LARP4B: variants seen among roughly 807,000 people sequenced by gnomAD.
LARP4B encodes the protein la-related protein 4B.
Under a neutral mutation model 89.8 loss-of-function variants are expected in LARP4B, and 12 were observed. That is an observed-to-expected ratio of 0.13 (90% CI 0.09 to 0.22). LARP4B has a LOEUF of 0.22. Ranked by LOEUF, LARP4B falls within the 10% of genes least tolerant of loss-of-function variation. The pLI, the probability that LARP4B is intolerant of heterozygous loss-of-function variation, is 1.00. For missense variants in LARP4B, 757 were observed against 947.7 expected (o/e 0.80, Z 2.64); for synonymous variants, 367 against 363.3 (o/e 1.01, Z -0.12).
At chr10:906,146 T>G (rs1435526824) in intron 1 of LARP4B, among the ~76,000 whole-genome samples, 1 of 152,236 alleles carries the variant, frequency 6.6e-6, no homozygotes. Context: ...ATATCCATAA[T>G]GCATCAACAA....
At chr10:984,893 T>A in the LARP4B span, among the ~76,000 whole-genome samples, 1 of 152,102 alleles carries the variant, frequency 6.6e-6, no homozygotes, top group Non-Finnish European at 1.5e-5. Context: ...GATCACACCA[T>A]TGCACTCCAG....
At chr10:857,702 C>CTGGT (rs1834380693) in intron 5 of LARP4B, among the ~76,000 whole-genome samples, 1 of 152,180 alleles carries the variant, frequency 6.6e-6, no homozygotes, top group African/African-American at 2.4e-5. Flanking sequence ...CTCCTGCTGC[C>CTGGT]TGGTTAGTCT....
intron 1 of LARP4B, among the ~76,000 whole-genome samples, chr10:892,023 C>T (rs750534249): frequency 2.0e-4 from 31 of 152,338 alleles, no homozygotes; most frequent in East Asian, 1.2e-3. Flanking sequence ...TATTGCCTCC[C>T]GGCATGGCCT....
At chr10:935,001 A>G (rs1193643325), upstream of LARP4B, among the ~76,000 whole-genome samples, 1 of 152,172 alleles carries the variant, frequency 6.6e-6, no homozygotes, top group Non-Finnish European at 1.5e-5. Context: ...GCCCAGGAGG[A>G]TAAAGTCCAA....
intron 8 of LARP4B, among the ~76,000 whole-genome samples, chr10:835,039 CAAA>C (rs34825774): frequency 2.1e-5 from 2 of 93,472 alleles, no homozygotes; most frequent in Non-Finnish European, 2.2e-5. Flanking sequence ...GACTCCGTCT[CAAA>C]AAAAAAAAAA....
At chr10:978,570 A>G in the LARP4B span, among the ~76,000 whole-genome samples, 1 of 152,168 alleles carries the variant, frequency 6.6e-6, no homozygotes, top group South Asian at 2.1e-4. Context: ...TATAATCATT[A>G]ACCTAGGAAT....
intron 1 of LARP4B, among the ~76,000 whole-genome samples, chr10:919,192 G>T (rs1836912700): frequency 6.6e-6 from 1 of 152,220 alleles, no homozygotes; most frequent in African/African-American, 2.4e-5. Flanking sequence ...TACAGGGCCT[G>T]TATCTCTGAT....
chr10:868,451 G>A (rs115309445), intron 3 of LARP4B, among the ~76,000 whole-genome samples: 186 of 150,472 alleles, frequency 1.2e-3, no homozygotes, highest in Middle Eastern at 7.1e-3. Context: ...AGGCACCATC[G>A]TTAAACGTGG....
At chr10:987,838 G>C in the LARP4B span, 1 of 152,408 alleles carries the variant, frequency 6.6e-6, no homozygotes, top group South Asian at 2.0e-4. Flanking sequence ...CTTAGATCAG[G>C]CTTTCCCTTC....
Position 920,510 on chromosome 10 carries a change from A to T in LARP4B, c.-40+10918T>A, listed in dbSNP as rs149798101. ...TTAATCAGGCCAGACACAGTGGCTC[A>T]GGCCTGTAATCCCAGCACTTTGGGA... On this transcript the variant is annotated intron_variant, in intron 1 of 17. Coordinates refer to ENST00000316157, the MANE Select transcript of LARP4B (RefSeq NM_015155.3). Among the ~76,000 whole-genome samples, 262 of 152,376 alleles carry T rather than the reference A, an allele frequency of 1.7e-3. 1 individual carries two copies. The highest frequency in any genetic ancestry group is 6.0e-3 in the African/African-American group (249 of 41,584).
chr10:817,615 T>A (rs993324733), intron 15 of LARP4B, 110 bp downstream of exon 15: 1 of 1,103,878 alleles, frequency 9.1e-7, no homozygotes, highest in African/African-American at 1.6e-5. Flanking sequence ...CCTCCAAGCC[T>A]CTCTTGAGTA....
intron 5 of LARP4B, among the ~76,000 whole-genome samples, chr10:857,335 G>A (rs921855128): frequency 6.6e-6 from 1 of 152,168 alleles, no homozygotes; most frequent in African/African-American, 2.4e-5. Flanking sequence ...AAAACTGTGA[G>A]AGATGAAAAC....
chr10:985,264 A>G, the LARP4B span: 1 of 152,256 alleles, frequency 6.6e-6, no homozygotes, highest in Non-Finnish European at 1.5e-5. Flanking sequence ...ACAAAAGTTT[A>G]GCAAATATTA....
At chr10:816,482 G>C (rs569473469) in intron 15 of LARP4B, among the ~76,000 whole-genome samples, 2 of 152,342 alleles carry the variant, frequency 1.3e-5, no homozygotes, top group East Asian at 3.9e-4. Context: ...ATAAGGCTCA[G>C]GGTCAGGCTT....
chr10:820,915 C>T (rs375332454), intron 13 of LARP4B, 70 bp from the exon 14 acceptor site: 2 of 1,331,506 alleles, frequency 1.5e-6, no homozygotes, highest in African/African-American at 2.9e-5. Flanking sequence ...AGCACGTTTG[C>T]ACTCACATAA....
chr10:902,571 T>A (rs1435586099), intron 1 of LARP4B, among the ~76,000 whole-genome samples: 1 of 151,954 alleles, frequency 6.6e-6, no homozygotes, highest in Non-Finnish European at 1.5e-5. Context: ...AAATCTGCAG[T>A]CTAAGCAGGG....
intron 1 of LARP4B, among the ~76,000 whole-genome samples, chr10:894,679 A>G (rs1238557512): frequency 6.6e-6 from 1 of 152,240 alleles, no homozygotes; most frequent in Non-Finnish European, 1.5e-5. Flanking sequence ...TTATTTTAAA[A>G]GATCTTCTTT....
chr10:898,895 C>T (rs1836259468), intron 1 of LARP4B, among the ~76,000 whole-genome samples: 1 of 152,218 alleles, frequency 6.6e-6, no homozygotes. Context: ...TGCTATTCAA[C>T]TATATGTGCC....
the LARP4B span, among the ~76,000 whole-genome samples, chr10:951,564 T>C: frequency 6.6e-5 from 10 of 151,758 alleles, no homozygotes; most frequent in African/African-American, 1.9e-4. Flanking sequence ...AAGTCCACTC[T>C]GCAGAGATGG....
Sources: gnomAD v4.1 joint callset for allele counts (sites outside exome capture counted in the v4.1 genomes callset) on GRCh38, gnomAD v4.1.1 for gene constraint, MANE v1.5 for transcripts, NCBI Gene and HGNC (gene_info 2026-07-23, HGNC 2026-07-21) for gene names.